Variants in NFIL3 observed in about 807,000 individuals in gnomAD.
NFIL3 encodes the protein nuclear factor interleukin-3-regulated protein.
Under a neutral mutation model 10.0 loss-of-function variants are expected in NFIL3, and 5 were observed. That is an observed-to-expected ratio of 0.50 (90% CI 0.26 to 1.06). NFIL3 has a LOEUF of 1.06. NFIL3 is among the 50% of genes least tolerant of loss of function. NFIL3 has a pLI of 0.13. For synonymous variants in NFIL3, 202 were observed against 206.5 expected (o/e 0.98, Z 0.19); for missense variants, 436 against 547.6 (o/e 0.80, Z 2.03).
chr9:91,409,451 T>C lies in NFIL3; in HGVS notation c.1284A>G (p.Pro428=). 1 of 1,614,192 alleles carries C rather than the reference T, an allele frequency of 6.2e-7. No individual in the cohort carries two copies. The highest frequency in any genetic ancestry group is 8.5e-7 in the Non-Finnish European group (1 of 1,180,026). ...TCCCCTGCTTCAAATACAAGTTCTC[T>C]GGGTCAGAAACTTTGTAGCCACTGT... ...MKDSGYKVSD[P]ENLYLKQGIA... The change falls in exon 2 of 2, where the codon CCA becomes CCG. Residue 428 remains proline (P), a synonymous_variant. Coordinates refer to ENST00000297689, the MANE Select transcript of NFIL3 (RefSeq NM_005384.3).
chr9:91,416,499 T>G (rs536025753), intron 1 of NFIL3, among the ~76,000 whole-genome samples: 1 of 152,246 alleles, frequency 6.6e-6, no homozygotes, highest in African/African-American at 2.4e-5. Context: ...ACATCTAATG[T>G]TGTGGTATAT....
the NFIL3 span, among the ~76,000 whole-genome samples, chr9:91,429,947 G>A: frequency 6.6e-6 from 1 of 152,042 alleles, no homozygotes; most frequent in Non-Finnish European, 1.5e-5. Context: ...TCTGCTGTGT[G>A]CCTCACTTTC....
chr9:91,458,947 G>A, the NFIL3 span, among the ~76,000 whole-genome samples: 1,872 of 152,272 alleles, frequency 0.012, 32 homozygotes, highest in African/African-American at 0.042. Flanking sequence ...ATGCCATTTT[G>A]CAGTTGAATA....
At chr9:91,426,419 G>A (rs1264635381), upstream of NFIL3, 1 of 152,104 alleles carries the variant, frequency 6.6e-6, no homozygotes, top group Non-Finnish European at 1.5e-5. Flanking sequence ...AGATTAACTC[G>A]AGTAAATGGA....
chr9:91,409,732 G>C lies in NFIL3; in HGVS notation c.1003C>G (p.Gln335Glu), dbSNP rs773510240. 1.2e-6 allele frequency: 2 copies of C among 1,614,100 alleles called. No individual in the cohort carries two copies. Among genetic ancestry groups the C allele is most frequent in the Non-Finnish European group, 8.5e-7 (1 of 1,180,044 alleles). The change falls in exon 2 of 2, where the codon CAG (glutamine) becomes GAG (glutamate). Residue 335 changes from glutamine (Q) to glutamate (E), a missense_variant. Coordinates refer to ENST00000297689, the MANE Select transcript of NFIL3 (RefSeq NM_005384.3). ...TTATCAAAGGCTTCTACTTTGATCT[G>C]CATGGCTTTGGCTTTGATCCGGAGC... ...HKLRIKAKAM[Q>E]IKVEAFDNEF...
the NFIL3 span, among the ~76,000 whole-genome samples, chr9:91,472,046 A>T: frequency 9.9e-5 from 15 of 151,674 alleles, no homozygotes; most frequent in African/African-American, 3.6e-4. Flanking sequence ...CTCTCTTCTG[A>T]CTTGGAGGGT....
At chr9:91,425,518 TC>T (rs1460538756), upstream of NFIL3, among the ~76,000 whole-genome samples, 3 of 152,306 alleles carry the variant, frequency 2.0e-5, no homozygotes, top group East Asian at 1.9e-4. Flanking sequence ...CTTAGCGTGT[TC>T]CCCGACACCA....
chr9:91,425,485 A>T (rs1332443545), upstream of NFIL3, among the ~76,000 whole-genome samples: 1 of 152,216 alleles, frequency 6.6e-6, no homozygotes, highest in East Asian at 1.9e-4. Context: ...CAAGGCTCTG[A>T]AAACTCAGAC....
the NFIL3 span, among the ~76,000 whole-genome samples, chr9:91,466,565 G>A: frequency 6.6e-6 from 1 of 152,232 alleles, no homozygotes; most frequent in South Asian, 2.1e-4. Flanking sequence ...CTGTATCATA[G>A]TATTTAAGCA....
chr9:91,417,994 C>T lies in NFIL3; in HGVS notation c.-173+5646G>A, dbSNP rs549656805. On this transcript the variant is annotated intron_variant, in intron 1 of 1. Transcript: ENST00000297689. ...AAATTAAATTTAAATTTAATAAATA[C>T]GATGACAACATTGCATTTTATTACA... is the stretch of plus-strand genomic sequence containing the variant. 1.5e-3 allele frequency among the ~76,000 whole-genome samples: 228 copies of T among 150,906 alleles called. 2 individuals are homozygous for T. The highest frequency in any genetic ancestry group is 3.1e-3 in the East Asian group (16 of 5,144).
In NFIL3 at chr9:91,410,642, A is replaced by G; in HGVS notation, c.93T>C (p.Ala31=). 6.2e-7 allele frequency: 1 copy of G among 1,614,244 alleles called. No homozygotes were observed. Among genetic ancestry groups the G allele is most frequent in the Non-Finnish European group, 8.5e-7 (1 of 1,180,038 alleles). The change falls in exon 2 of 2, where the codon GCT becomes GCC. Residue 31 remains alanine (A), a synonymous_variant. Transcript: ENST00000297689. This position sits in a 1 kb window ranked among gnomAD's most constrained non-coding sequence, Gnocchi z 5.7. The part of the protein sequence containing the change: ...NVDKMMVLNS[A]LTEVSEDSTT... ...TGGAGTCTTCTGACACTTCCGTTAA[A>G]GCAGAATTAAGGACCATCATCTTGT...
the NFIL3 span, among the ~76,000 whole-genome samples, chr9:91,482,922 CAT>C: frequency 5.3e-5 from 8 of 152,350 alleles, no homozygotes; most frequent in African/African-American, 1.9e-4. Context: ...GAAAGGCGCA[CAT>C]GTCAGCAGCA....
chr9:91,454,509 C>A, the NFIL3 span, among the ~76,000 whole-genome samples: 1 of 151,956 alleles, frequency 6.6e-6, no homozygotes, highest in African/African-American at 2.4e-5. Context: ...AATTCAATTA[C>A]CCCAAAGTGA....
At chr9:91,446,745 T>C in the NFIL3 span, among the ~76,000 whole-genome samples, 1 of 152,178 alleles carries the variant, frequency 6.6e-6, no homozygotes, top group Non-Finnish European at 1.5e-5. Flanking sequence ...TTTTACTAAG[T>C]ATGATGTTTT....
intron 1 of NFIL3, among the ~76,000 whole-genome samples, chr9:91,422,897 A>G (rs537104319): frequency 6.6e-6 from 1 of 152,332 alleles, no homozygotes; most frequent in Non-Finnish European, 1.5e-5. Flanking sequence ...ATAACGATCT[A>G]ATATCCAACG....
the NFIL3 span, among the ~76,000 whole-genome samples, chr9:91,482,911 C>T: frequency 0.03 from 4,598 of 152,288 alleles, 99 homozygotes; most frequent in East Asian, 0.093. Context: ...CGTCATCACC[C>T]GAAAGGCGCA....
At chr9:91,470,761 C>T in the NFIL3 span, among the ~76,000 whole-genome samples, 2 of 152,070 alleles carry the variant, frequency 1.3e-5, no homozygotes, top group Non-Finnish European at 2.9e-5. Flanking sequence ...TTATATCTGT[C>T]TTCATTTCGT....
intron 1 of NFIL3, among the ~76,000 whole-genome samples, 174 bp downstream of exon 1, chr9:91,423,466 G>A (rs1362739904): frequency 1.3e-5 from 2 of 151,908 alleles, no homozygotes; most frequent in Non-Finnish European, 2.9e-5. Context: ...TCCTGACAAG[G>A]CAGCAAAAGT....
At chr9:91,453,670 T>C in the NFIL3 span, among the ~76,000 whole-genome samples, 1 of 152,044 alleles carries the variant, frequency 6.6e-6, no homozygotes, top group Non-Finnish European at 1.5e-5. Context: ...AATCATTTAT[T>C]ATACAGATTA....
Sources: gnomAD v4.1 joint callset for allele counts (sites outside exome capture counted in the v4.1 genomes callset) on GRCh38, gnomAD v4.1.1 for gene constraint, Gnocchi (gnomAD v3.1) non-coding constraint, MANE v1.5 for transcripts, NCBI Gene and HGNC (gene_info 2026-07-23, HGNC 2026-07-21) for gene names.